UACA: variants seen among roughly 807,000 people sequenced by gnomAD.
UACA encodes nuclear membrane binding protein.
UACA carries 112 observed loss-of-function variants against 160.5 expected under a neutral mutation model. The observed-to-expected ratio is 0.70, with a 90% CI of 0.60 to 0.82. The LOEUF is 0.82. Among genes scored for constraint, UACA ranks in the 40% least tolerant of loss-of-function variants. The probability of loss-of-function intolerance (pLI) is 0.00; values close to 1 mark genes in which losing one functional copy is unlikely to be tolerated. For synonymous variants in UACA, 557 were observed against 568.4 expected (o/e 0.98, Z 0.29); for missense variants, 1,574 against 1,614.6 (o/e 0.97, Z 0.43).
intron 1 of UACA, among the ~76,000 whole-genome samples, chr15:70,717,591 A>G (rs1018005517): frequency 1.3e-5 from 2 of 152,198 alleles, no homozygotes; most frequent in African/African-American, 4.8e-5. Flanking sequence ...CTTTGGCAAG[A>G]AGACACCTAG....
chr15:70,699,346 C>G (rs1898243850), intron 2 of UACA, among the ~76,000 whole-genome samples, 181 bp downstream of exon 2: 1 of 152,058 alleles, frequency 6.6e-6, no homozygotes, highest in South Asian at 2.1e-4. Flanking sequence ...AGTGTTCCCT[C>G]TCTAGACTGG....
intron 1 of UACA, among the ~76,000 whole-genome samples, chr15:70,717,053 C>T (rs1898842112): frequency 6.6e-6 from 1 of 152,102 alleles, no homozygotes; most frequent in Non-Finnish European, 1.5e-5. Flanking sequence ...GAAATCCCGT[C>T]TCTATCAAAA....
chr15:70,758,166 C>T (rs1478494733), intron 1 of UACA: 2 of 152,150 alleles, frequency 1.3e-5, no homozygotes, highest in South Asian at 4.1e-4. Flanking sequence ...ACCAAAAGAC[C>T]CACCAAACCA....
Position 70,684,364 on chromosome 15 carries a change from G to A in UACA, c.685C>T (p.Leu229=). The A allele has an allele frequency of 6.2e-7, 1 of 1,613,770 alleles. No homozygotes were observed. Among genetic ancestry groups the A allele is most frequent in the Non-Finnish European group, 8.5e-7 (1 of 1,179,794 alleles). Residue 229 remains leucine, a synonymous_variant, in exon 8 of 19, where the codon CTG becomes TTG. Coordinates refer to ENST00000322954, the MANE Select transcript of UACA (RefSeq NM_018003.4). ...LIKNGADISL[L]DALGHDSSYY... ...GAACTATCATGGCCAAGCGCATCCA[G>A]CAAGCTTATATCAGCACCATTTTTA...
At chr15:70,777,805 C>T in the UACA span, among the ~76,000 whole-genome samples, 1 of 152,142 alleles carries the variant, frequency 6.6e-6, no homozygotes, top group African/African-American at 2.4e-5. Context: ...GCAACTTCTT[C>T]AAGTTTTGCT....
intron 3 of UACA, 149 bp downstream of exon 3, chr15:70,694,868 C>T (rs1478896027): frequency 4.3e-6 from 3 of 690,318 alleles, no homozygotes; most frequent in Non-Finnish European, 5.0e-6. Context: ...CACAATACCT[C>T]AGAAGTAAAC....
chr15:70,768,289 CCTCT>C (rs1160111337), upstream of UACA: 1 of 152,194 alleles, frequency 6.6e-6, no homozygotes, highest in African/African-American at 2.4e-5. Flanking sequence ...CTGCTTTCTA[CCTCT>C]CTCTGTCTTC....
At chr15:70,666,446 C>G (rs1389952788) in intron 16 of UACA, among the ~76,000 whole-genome samples, 1 of 152,226 alleles carries the variant, frequency 6.6e-6, no homozygotes, top group Non-Finnish European at 1.5e-5. Flanking sequence ...CACAAACCCA[C>G]TGGCTTTTGA....
chr15:70,668,090 TG>T lies in UACA; in HGVS notation c.2593del (p.His865MetfsTer6). 6.2e-7 allele frequency: 1 copy of T among 1,613,696 alleles called. No homozygotes were observed. Among genetic ancestry groups the T allele is most frequent in the Non-Finnish European group, 8.5e-7 (1 of 1,179,942 alleles). ...MSNQYVPVKTHEEVKMTLNDT... is the reference protein window; with the variant it reads ...MSNQYVPVKTXEEVKMTLNDT... Reference sequence around the variant, plus strand: ...ATTCAGTGTCATTTTAACCTCTTCATGGGTTTTAACTGGCACATACTGATTA... The same window carrying T: ...ATTCAGTGTCATTTTAACCTCTTCATGGTTTTAACTGGCACATACTGATTA... On this transcript the variant is annotated frameshift_variant, in exon 16 of 19. Transcript: ENST00000322954. LOFTEE classifies it high-confidence loss of function.
chr15:70,747,530 T>A (rs1197862405), intron 1 of UACA, among the ~76,000 whole-genome samples: 1 of 152,128 alleles, frequency 6.6e-6, no homozygotes, highest in Non-Finnish European at 1.5e-5. Context: ...TGGCTAATTT[T>A]TTTTAAGATG....
rs536503895 is a variant in UACA at position 70,655,099 on chromosome 15, A to G, written c.*1957T>C. ...GCAAATCTTTTACAAGGATGTTCAA[A>G]ACAATATTCTAGAGAAAACTTTATT... On this transcript the variant is annotated 3_prime_UTR_variant, in exon 19 of 19. Transcript: ENST00000322954. The G allele has an allele frequency of 6.6e-6, 1 of 152,366 alleles. No individual in the cohort carries two copies. Among genetic ancestry groups the G allele is most frequent in the Admixed American group, 6.5e-5 (1 of 15,308 alleles). The allele number at this position is 152,366 out of a possible 1,614,324, so 9.4% of individuals were successfully genotyped here.
rs981930654 is a variant in UACA at position 70,763,369 on chromosome 15, C to A, written c.39G>T (p.Val13=). Residue 13 remains valine, a synonymous_variant, in exon 1 of 19, where the codon GTG becomes GTT. Coordinates refer to ENST00000322954, the MANE Select transcript of UACA (RefSeq NM_018003.4). The stretch of plus-strand genomic sequence containing the variant: ...CGGCGCCAGACGACGCGGGGCCGGG[C>A]ACGTCCTGCCTCCTCAGGCGGGACT... ...SLKSRLRRQD[V]PGPASSGAAA... The A allele has an allele frequency of 3.7e-6, 5 of 1,335,226 alleles. No individual in the cohort carries two copies. 82.7% of individuals were successfully genotyped at this position (1,335,226 alleles called of 1,614,324 possible).
intron 17 of UACA, among the ~76,000 whole-genome samples, chr15:70,663,497 T>C (rs1896792627): frequency 6.6e-6 from 1 of 152,150 alleles, no homozygotes; most frequent in Non-Finnish European, 1.5e-5. Flanking sequence ...GACCCAGCCA[T>C]CCCATTACTG....
rs1035470338 is a variant in UACA, at chr15:70,719,779, C to T, written c.79-20119G>A. 3.3e-5 allele frequency among the ~76,000 whole-genome samples: 5 copies of T among 152,220 alleles called. No individual in the cohort carries two copies. In the South Asian group the frequency reaches 8.3e-4, roughly 25 times the overall value. On this transcript the variant is annotated intron_variant, in intron 1 of 18. Coordinates refer to ENST00000322954, the MANE Select transcript of UACA (RefSeq NM_018003.4). ...AAGGAAACACCTTACAGAGTACCCA[C>T]CCAAGAATCATGGAAAACAACAAAC... is the stretch of plus-strand genomic sequence containing the variant.
chr15:70,664,947 G>T, intron 16 of UACA, 133 bp from the exon 17 acceptor site: 4 of 701,716 alleles, frequency 5.7e-6, no homozygotes, highest in Non-Finnish European at 6.7e-6. Flanking sequence ...TATGAATATT[G>T]CCAAGACTGT....
chr15:70,718,732 A>C (rs1313828558), intron 1 of UACA, among the ~76,000 whole-genome samples: 3 of 152,150 alleles, frequency 2.0e-5, no homozygotes. Flanking sequence ...TGAACACTGC[A>C]AAATTTGGTA....
chr15:70,669,184 T>C lies in UACA; in HGVS notation c.1500A>G (p.Lys500=), dbSNP rs1338495342. The change falls in exon 16 of 19, where the codon AAA becomes AAG. Residue 500 remains lysine (K), a synonymous_variant. Coordinates refer to ENST00000322954, the MANE Select transcript of UACA (RefSeq NM_018003.4). The part of the protein sequence containing the change: ...EQIKQLEDAL[K]DVQKRMYESE... ...ACTCATACATCCTCTTCTGCACATC[T>C]TTTAATGCATCTTCTAATTGCTTTA... 6.2e-7 allele frequency: 1 copy of C among 1,613,894 alleles called. No individual in the cohort carries two copies. The highest frequency in any genetic ancestry group is 8.5e-7 in the Non-Finnish European group (1 of 1,180,018).
At chr15:70,773,636 C>T in the UACA span, among the ~76,000 whole-genome samples, 3 of 152,080 alleles carry the variant, frequency 2.0e-5, no homozygotes, top group African/African-American at 4.8e-5. Flanking sequence ...GATAAGTGTA[C>T]GGTGGTATAT....
intron 18 of UACA, 77 bp downstream of exon 18, chr15:70,660,074 T>C (rs1896649084): frequency 5.8e-6 from 7 of 1,206,504 alleles, no homozygotes; most frequent in Non-Finnish European, 8.2e-6. Flanking sequence ...TCAATTACTT[T>C]CACATAAATT....
Sources: allele counts gnomAD v4.1 joint callset (sites outside exome capture counted in the v4.1 genomes callset), GRCh38; gene constraint gnomAD v4.1.1; transcripts MANE v1.5; gene names NCBI Gene and HGNC (gene_info 2026-07-23, HGNC 2026-07-21).